The following SLC35G2 variants were observed in gnomAD, a reference collection of about 807,000 sequenced individuals.
SLC35G2 encodes transmembrane protein 22.
Under a neutral mutation model 27.2 loss-of-function variants are expected in SLC35G2, and 20 were observed. The ratio of observed to expected loss-of-function variants is 0.74; its 90% confidence interval spans 0.52 to 1.07. The LOEUF (loss-of-function observed/expected upper bound fraction) is 1.07, where lower values mean the gene tolerates loss of function less well. Among genes scored for constraint, SLC35G2 ranks in the 50% least tolerant of loss-of-function variants. The pLI, the probability that SLC35G2 is intolerant of heterozygous loss-of-function variation, is 0.00. For synonymous variants in SLC35G2, 148 were observed against 165.3 expected (o/e 0.90, Z 0.80); for missense variants, 416 against 493.3 (o/e 0.84, Z 1.48).
At chr3:136,838,644 C>T (rs982359316) in intron 1 of SLC35G2, 6 of 152,100 alleles carry the variant, frequency 3.9e-5, no homozygotes, top group African/African-American at 1.4e-4. Flanking sequence ...AAGTTTTGGC[C>T]TCAAGAAGGA....
chr3:136,855,597 A>T lies in SLC35G2; in HGVS notation c.1137A>T (p.Val379=). ...FPSIYDVFGG[V]IIMISVFVLA... is the part of the protein sequence containing the mutation. ...GCATCTATGATGTTTTTGGAGGGGT[A>T]ATCATTATGATTAGTGTTTTTGTCC... is the stretch of plus-strand genomic sequence containing the variant. The change falls in exon 2 of 2, where the codon GTA becomes GTT. Residue 379 remains valine, a synonymous_variant. Transcript: ENST00000446465. 1 of 1,614,060 alleles carries T rather than the reference A, an allele frequency of 6.2e-7. No individual in the cohort carries two copies. Among genetic ancestry groups the T allele is most frequent in the South Asian group, 1.1e-5 (1 of 91,072 alleles).
chr3:136,844,819 A>G (rs1325090145), intron 1 of SLC35G2, among the ~76,000 whole-genome samples: 2 of 151,078 alleles, frequency 1.3e-5, no homozygotes, highest in East Asian at 1.9e-4. Flanking sequence ...AAAAAAAAAA[A>G]AAAGAAAACA....
chr3:136,849,700 C>T (rs1195848950), intron 1 of SLC35G2, among the ~76,000 whole-genome samples: 6 of 150,532 alleles, frequency 4.0e-5, no homozygotes, highest in African/African-American at 1.5e-4. Context: ...ACCATGTTGG[C>T]CAGGCTGGTC....
intron 1 of SLC35G2, among the ~76,000 whole-genome samples, chr3:136,845,315 G>A (rs1937323851): frequency 6.6e-6 from 1 of 152,098 alleles, no homozygotes; most frequent in Non-Finnish European, 1.5e-5. Flanking sequence ...TAAGCTCTTG[G>A]GTGAGAAGTT....
chr3:136,844,079 C>T (rs1223915593), intron 1 of SLC35G2, among the ~76,000 whole-genome samples: 1 of 152,138 alleles, frequency 6.6e-6, no homozygotes, highest in Non-Finnish European at 1.5e-5. Context: ...AATTTGCTGG[C>T]CGGGCACGGA....
At chr3:136,844,578 T>G (rs1937274074) in intron 1 of SLC35G2, among the ~76,000 whole-genome samples, 1 of 151,302 alleles carries the variant, frequency 6.6e-6, no homozygotes, top group Admixed American at 6.6e-5. Context: ...GCTGACTGAT[T>G]GCATGAGGCC....
chr3:136,843,101 A>G (rs1937169326), intron 1 of SLC35G2: 1 of 151,554 alleles, frequency 6.6e-6, no homozygotes, highest in Admixed American at 6.6e-5. Flanking sequence ...AGGTGGGCGG[A>G]TCATGAGGTC....
intron 1 of SLC35G2, chr3:136,846,507 T>C (rs746746603): frequency 1.3e-5 from 2 of 152,226 alleles, no homozygotes; most frequent in African/African-American, 4.8e-5. Flanking sequence ...AGTAGACACC[T>C]CTGCCTTAGT....
intron 1 of SLC35G2, among the ~76,000 whole-genome samples, chr3:136,841,302 T>A (rs933323501): frequency 4.6e-5 from 7 of 152,166 alleles, no homozygotes; most frequent in Middle Eastern, 6.3e-3. Context: ...GTAACAAACT[T>A]ATCATTCCTC....
chr3:136,854,068 A>G (rs1229305181), intron 1 of SLC35G2, among the ~76,000 whole-genome samples: 1 of 152,242 alleles, frequency 6.6e-6, no homozygotes, highest in African/African-American at 2.4e-5. Flanking sequence ...AATGGACCCA[A>G]TGAGAAGGAA....
chr3:136,844,210 C>T (rs1186730423), intron 1 of SLC35G2, among the ~76,000 whole-genome samples: 1 of 151,740 alleles, frequency 6.6e-6, no homozygotes, highest in African/African-American at 2.4e-5. Flanking sequence ...AAAAAAACAG[C>T]CAGGCGCGGT....
At chr3:136,833,672 T>C (rs1936792390) in intron 1 of SLC35G2, among the ~76,000 whole-genome samples, 2 of 152,130 alleles carry the variant, frequency 1.3e-5, no homozygotes, top group South Asian at 2.1e-4. Flanking sequence ...TGAGATATAA[T>C]GTTGCCGTTG....
In SLC35G2 at chr3:136,854,818, C is replaced by A; in HGVS notation, c.358C>A (p.Leu120Ile). Reference sequence around the variant, plus strand: ...TGCTTTGGCTCATGGATGTGTAGCTCTTATCACTAGGCTTGTTTCTGATCG... The same window carrying A: ...TGCTTTGGCTCATGGATGTGTAGCTATTATCACTAGGCTTGTTTCTGATCG... ...GSALAHGCVA[L>I]ITRLVSDRSK... Residue 120 changes from leucine to isoleucine, a missense_variant, in exon 2 of 2, where the codon CTT (leucine) becomes ATT (isoleucine). Leu to Ile is a conservative substitution (Grantham distance 5). Transcript: ENST00000446465. The A allele has an allele frequency of 6.2e-7, 1 of 1,614,156 alleles. No homozygotes were observed. Among genetic ancestry groups the A allele is most frequent in the Non-Finnish European group, 8.5e-7 (1 of 1,180,026 alleles).
At chr3:136,832,672 A>G (rs984593592) in intron 1 of SLC35G2, among the ~76,000 whole-genome samples, 2 of 152,256 alleles carry the variant, frequency 1.3e-5, no homozygotes, top group Non-Finnish European at 2.9e-5. Flanking sequence ...TCATGAATGC[A>G]TGAGATTGCC....
rs527696642 is a variant in SLC35G2 at position 136,853,702 on chromosome 3, T to C, written c.-18-741T>C. ...TGTTATGTAAACAAATATAAATACGTATTCTTATTCCCCCCCTTTTTTATT... is the reference window on the plus strand; with the variant it reads ...TGTTATGTAAACAAATATAAATACGCATTCTTATTCCCCCCCTTTTTTATT... On this transcript the variant is annotated intron_variant, in intron 1 of 1. Coordinates refer to ENST00000446465, the MANE Select transcript of SLC35G2 (RefSeq NM_025246.3). 2.6e-5 allele frequency among the ~76,000 whole-genome samples: 4 copies of C among 152,364 alleles called. No homozygotes were observed. The East Asian group carries it at 7.7e-4, about 29-fold the overall frequency.
chr3:136,845,075 C>G (rs1937311890), intron 1 of SLC35G2, among the ~76,000 whole-genome samples: 1 of 151,930 alleles, frequency 6.6e-6, no homozygotes, highest in Non-Finnish European at 1.5e-5. Context: ...GAAATGTTTA[C>G]AATGTATTGT....
intron 1 of SLC35G2, chr3:136,843,049 C>G (rs1269100075): frequency 6.6e-6 from 1 of 152,244 alleles, no homozygotes. Context: ...CTGGGCCAGG[C>G]ATGGTGGCTC....
intron 1 of SLC35G2, among the ~76,000 whole-genome samples, chr3:136,850,048 A>G (rs1250202257): frequency 6.6e-6 from 1 of 152,186 alleles, no homozygotes; most frequent in Non-Finnish European, 1.5e-5. Context: ...TGGAGGTTGC[A>G]GTGAGCTGAG....
chr3:136,822,569 C>T (rs1936482478), intron 1 of SLC35G2, among the ~76,000 whole-genome samples: 1 of 152,228 alleles, frequency 6.6e-6, no homozygotes, highest in Admixed American at 6.5e-5. Context: ...GCTGCCTCAG[C>T]CTCCCAAAGT....
Sources: allele counts gnomAD v4.1 joint callset (sites outside exome capture counted in the v4.1 genomes callset), GRCh38; gene constraint gnomAD v4.1.1; transcripts MANE v1.5; gene names NCBI Gene and HGNC (gene_info 2026-07-23, HGNC 2026-07-21).